KCNJ16: variants seen among roughly 807,000 people sequenced by gnomAD.
The protein encoded by KCNJ16 is inward rectifier potassium channel 16.
In KCNJ16, 15 loss-of-function variants were observed where a neutral mutation model predicts 18.5. That is an observed-to-expected ratio of 0.81 (90% CI 0.54 to 1.25). The LOEUF (loss-of-function observed/expected upper bound fraction) is 1.25, where lower values mean the gene tolerates loss of function less well. KCNJ16 is among the 50% of genes most tolerant of loss of function. KCNJ16 has a pLI of 0.00. For synonymous variants in KCNJ16, 174 were observed against 186.5 expected, an observed-to-expected ratio of 0.93 and a Z score of 0.55; for missense variants, 523 against 525.7, an observed-to-expected ratio of 0.99 and a Z score of 0.05.
At chr17:70,106,919 C>T (rs570405651) in intron 2 of KCNJ16, among the ~76,000 whole-genome samples, 19 of 152,206 alleles carry the variant, frequency 1.2e-4, no homozygotes, top group Non-Finnish European at 2.5e-4. Flanking sequence ...TAAGAGGTGG[C>T]CTCTTAATAG....
In KCNJ16 at chr17:70,094,787, T is replaced by C. The variant is rs571066476; in HGVS notation, c.-299-5871T>C. 1.0e-3 allele frequency among the ~76,000 whole-genome samples: 158 copies of C among 152,298 alleles called. 3 individuals are homozygous for C. The South Asian group carries it at 0.026, about 25-fold the overall frequency. On this transcript the variant is annotated intron_variant, in intron 1 of 3. Transcript: ENST00000392671. ...AGTAAATTGCACTGTAGGCAAATCA[T>C]GTTTCCAAGAACATGACACATCTTA...
Position 70,130,982 on chromosome 17 carries a change from G to A in KCNJ16, c.-94+7G>A, listed in dbSNP as rs534365367. ...ACCATGGATGCTAAAAATGGTAAGA[G>A]CTGCATGTTCTGCCTTGATGTTTTC... On this transcript the variant is annotated splice_region_variant and intron_variant, in intron 3 of 3. Transcript: ENST00000392671. 1.4e-4 allele frequency: 209 copies of A among 1,535,496 alleles called. No homozygotes were observed. The African/African-American group carries it at 1.8e-3, about 13-fold the overall frequency.
intron 2 of KCNJ16, among the ~76,000 whole-genome samples, chr17:70,105,536 T>A (rs758035205): frequency 2.0e-5 from 3 of 152,168 alleles, no homozygotes; most frequent in Non-Finnish European, 4.4e-5. Flanking sequence ...AACTGTGTAA[T>A]AAAATACGTT....
intron 2 of KCNJ16, among the ~76,000 whole-genome samples, chr17:70,111,268 CAA>C (rs1385286079): frequency 6.6e-6 from 1 of 152,064 alleles, no homozygotes; most frequent in East Asian, 1.9e-4. Flanking sequence ...TTGCAAAACA[CAA>C]AAGATATAAT....
intron 1 of KCNJ16, among the ~76,000 whole-genome samples, chr17:70,087,473 G>A (rs1402360705): frequency 1.3e-5 from 2 of 152,184 alleles, no homozygotes; most frequent in Admixed American, 6.5e-5. Flanking sequence ...AGGCCAAGGT[G>A]GGCGGATCAT....
intron 2 of KCNJ16, among the ~76,000 whole-genome samples, chr17:70,120,957 CTT>C (rs2073612761): frequency 6.6e-6 from 1 of 152,114 alleles, no homozygotes; most frequent in African/African-American, 2.4e-5. Context: ...ATTACCCCCT[CTT>C]TATAAGGGAG....
At chr17:70,111,875 G>A (rs1273251885) in intron 2 of KCNJ16, among the ~76,000 whole-genome samples, 7 of 152,112 alleles carry the variant, frequency 4.6e-5, no homozygotes, top group South Asian at 2.1e-4. Flanking sequence ...CCCCAGCCAC[G>A]TGGAACTGTG....
intron 1 of KCNJ16, among the ~76,000 whole-genome samples, chr17:70,097,996 T>G (rs771642862): frequency 7.9e-5 from 12 of 152,216 alleles, no homozygotes; most frequent in Non-Finnish European, 1.8e-4. Context: ...TCAGATTGTG[T>G]TAGTCTCCTG....
chr17:70,125,494 T>C (rs2073820529), intron 2 of KCNJ16, among the ~76,000 whole-genome samples: 1 of 152,164 alleles, frequency 6.6e-6, no homozygotes, highest in African/African-American at 2.4e-5. Flanking sequence ...TGTTCTGATA[T>C]TCTACAGAGG....
intron 1 of KCNJ16, among the ~76,000 whole-genome samples, chr17:70,076,701 T>C (rs550960419): frequency 3.9e-5 from 6 of 152,260 alleles, no homozygotes; most frequent in African/African-American, 1.4e-4. Flanking sequence ...TATTGAAAAA[T>C]ATATGTTTCT....
chr17:70,108,401 CATG>C (rs1417322178), intron 2 of KCNJ16: 5 of 152,148 alleles, frequency 3.3e-5, no homozygotes, highest in Admixed American at 3.3e-4. Flanking sequence ...GATGGGCTGA[CATG>C]AGGGGTAATG....
chr17:70,096,867 T>G, intron 1 of KCNJ16: 1 of 398,202 alleles, frequency 2.5e-6, no homozygotes, highest in Non-Finnish European at 4.4e-6. Context: ...ATATAAACTT[T>G]ATTGTTTAGA....
At chr17:70,081,345 G>C (rs968588053) in intron 1 of KCNJ16, among the ~76,000 whole-genome samples, 1 of 152,110 alleles carries the variant, frequency 6.6e-6, no homozygotes, top group African/African-American at 2.4e-5. Flanking sequence ...ATTTCCTCAT[G>C]ACTAAAATTT....
At chr17:70,112,497 T>C (rs913281468) in intron 2 of KCNJ16, among the ~76,000 whole-genome samples, 4 of 150,662 alleles carry the variant, frequency 2.7e-5, no homozygotes. Flanking sequence ...TCTTGAACTC[T>C]ATGAATGAAA....
At chr17:70,100,370 C>G (rs142874223) in intron 1 of KCNJ16, among the ~76,000 whole-genome samples, 1 of 152,110 alleles carries the variant, frequency 6.6e-6, no homozygotes, top group Admixed American at 6.5e-5. Flanking sequence ...CCAAGATCAA[C>G]GCCTTTCATT....
At chr17:70,089,532 C>T (rs11077472) in intron 1 of KCNJ16, among the ~76,000 whole-genome samples, 125,726 of 152,082 alleles carry the variant, frequency 0.83, 52,186 homozygotes, top group East Asian at 0.96. Context: ...AAGGTGGAAT[C>T]TGTGACTTGA....
chr17:70,089,203 G>A (rs1436492291), intron 1 of KCNJ16, among the ~76,000 whole-genome samples: 3 of 152,014 alleles, frequency 2.0e-5, no homozygotes, highest in Non-Finnish European at 2.9e-5. Context: ...TAGTTGTTAC[G>A]TATCAACTCT....
chr17:70,105,397 G>C (rs1408141021), intron 2 of KCNJ16, among the ~76,000 whole-genome samples: 2 of 152,140 alleles, frequency 1.3e-5, no homozygotes, highest in Non-Finnish European at 2.9e-5. Flanking sequence ...TACTGACGTG[G>C]AGCAACGTGG....
At position 70,133,699 on chromosome 17, in the gene KCNJ16, GAC is replaced by G; in HGVS notation, c.*357_*358del. On this transcript the variant is annotated 3_prime_UTR_variant, in exon 4 of 4. Coordinates refer to ENST00000392671, the MANE Select transcript of KCNJ16 (RefSeq NM_170741.4). ...AATAAAAATAAAAATAGACAAGTAA[GAC>G]AGCATAAATAATACATTTTTAAACA... is the stretch of plus-strand genomic sequence containing the variant. 1 of 194,454 alleles carries G rather than the reference GAC, an allele frequency of 5.1e-6. No individual in the cohort carries two copies. Among genetic ancestry groups the G allele is most frequent in the South Asian group, 1.4e-4 (1 of 7,006 alleles). 12.0% of individuals were successfully genotyped at this position (194,454 alleles called of 1,614,324 possible).
Sources: allele counts gnomAD v4.1 joint callset (sites outside exome capture counted in the v4.1 genomes callset), GRCh38; gene constraint gnomAD v4.1.1; transcripts MANE v1.5; gene names NCBI Gene and HGNC (gene_info 2026-07-23, HGNC 2026-07-21).